STAT4: variants seen among roughly 807,000 people sequenced by gnomAD.
The protein encoded by STAT4 is signal transducer and activator of transcription 4.
In STAT4, 42 loss-of-function variants were observed where a neutral mutation model predicts 110.5. That is an observed-to-expected ratio of 0.38 (90% confidence interval 0.30 to 0.49). The LOEUF (loss-of-function observed/expected upper bound fraction) is 0.49, where lower values mean the gene tolerates loss of function less well. STAT4 is among the 20% of genes least tolerant of loss of function. The pLI is 0.95. For missense variants in STAT4, 632 were observed against 887.9 expected (o/e 0.71, Z 3.66); for synonymous variants, 284 against 302.2 (o/e 0.94, Z 0.63).
chr2:191,112,088 A>T lies in STAT4; in HGVS notation c.273+34525T>A, dbSNP rs1443494321. ...ATAATGGTTTCATGGGTATACACTT[A>T]TGTCAAAACTTGTCAGATTGTACAC... On this transcript the variant is annotated intron_variant, in intron 3 of 23. Coordinates refer to ENST00000392320, the MANE Select transcript of STAT4 (RefSeq NM_003151.4). This position sits in a 1 kb window ranked among gnomAD's most constrained non-coding sequence, Gnocchi z 4.3. Among the ~76,000 whole-genome samples, 3 of 152,206 alleles carry T rather than the reference A, an allele frequency of 2.0e-5. No individual in the cohort carries two copies. The highest frequency in any genetic ancestry group is 4.4e-5 in the Non-Finnish European group (3 of 68,052).
chr2:191,123,756 C>T (rs1190909166), intron 3 of STAT4, among the ~76,000 whole-genome samples: 2 of 152,204 alleles, frequency 1.3e-5, no homozygotes, highest in African/African-American at 4.8e-5. Flanking sequence ...TGTTCATCCT[C>T]ATGTTTGCTT....
intron 3 of STAT4, among the ~76,000 whole-genome samples, chr2:191,109,538 G>C (rs1294096899): frequency 6.6e-6 from 1 of 152,178 alleles, no homozygotes; most frequent in African/African-American, 2.4e-5. Context: ...CGGGAAAATT[G>C]AGGATTTGTG....
chr2:191,095,636 C>T (rs1482571507), intron 3 of STAT4, among the ~76,000 whole-genome samples: 2 of 152,164 alleles, frequency 1.3e-5, no homozygotes, highest in African/African-American at 2.4e-5. Flanking sequence ...AAATTTATAG[C>T]ACTAAATGCT....
intron 3 of STAT4, among the ~76,000 whole-genome samples, chr2:191,093,890 T>C (rs1320789655): frequency 6.6e-6 from 1 of 152,172 alleles, no homozygotes; most frequent in East Asian, 1.9e-4. Flanking sequence ...AGAGAAGACC[T>C]TAAATGATCC....
chr2:191,123,198 G>A (rs1206205777), intron 3 of STAT4, among the ~76,000 whole-genome samples: 1 of 152,162 alleles, frequency 6.6e-6, no homozygotes, highest in Non-Finnish European at 1.5e-5. Flanking sequence ...ACTGTGTTTT[G>A]TTTGAGGAAC....
At chr2:191,137,160 T>C (rs1158021920) in intron 3 of STAT4, among the ~76,000 whole-genome samples, 1 of 152,006 alleles carries the variant, frequency 6.6e-6, no homozygotes, top group Non-Finnish European at 1.5e-5. Flanking sequence ...CTGGCCAACG[T>C]GGTGAAACCC....
Position 191,039,112 on chromosome 2 carries a change from C to T in STAT4, c.1434+87G>A. 1 of 1,185,350 alleles carries T rather than the reference C, an allele frequency of 8.4e-7. No homozygotes were observed. Among genetic ancestry groups the T allele is most frequent in the Non-Finnish European group, 1.3e-6 (1 of 792,282 alleles). The allele number at this position is 1,185,350 out of a possible 1,614,324, so 73.4% of individuals were successfully genotyped here. ...CAACTCTCACCCCACACCCCACTGG[C>T]ACACACATGTTTTGATGCAGATGTG... On this transcript the variant is annotated intron_variant, in intron 16 of 23. Coordinates refer to ENST00000392320, the MANE Select transcript of STAT4 (RefSeq NM_003151.4). This position sits in a 1 kb window ranked among gnomAD's most constrained non-coding sequence, Gnocchi z 4.7.
Position 191,066,564 on chromosome 2 carries a change from T to A in STAT4, c.545-49A>T. 1 of 1,568,512 alleles carries A rather than the reference T, an allele frequency of 6.4e-7. No homozygotes were observed. Among genetic ancestry groups the A allele is most frequent in the Non-Finnish European group, 8.7e-7 (1 of 1,144,164 alleles). On this transcript the variant is annotated intron_variant, in intron 6 of 23. Coordinates refer to ENST00000392320, the MANE Select transcript of STAT4 (RefSeq NM_003151.4). The surrounding 1 kb of genome is among the most constrained non-coding windows in gnomAD (Gnocchi z 4.3). ...TTAGAGTTCTCTCTATTCCTGAAAG[T>A]CAAGTCAGCCTCAATCCACCATCCT...
At chr2:191,074,941 AC>A (rs1697269411) in intron 4 of STAT4, among the ~76,000 whole-genome samples, 1 of 152,148 alleles carries the variant, frequency 6.6e-6, no homozygotes, top group African/African-American at 2.4e-5. Flanking sequence ...TGGGAAGATC[AC>A]TTGAGGTCAG....
chr2:191,065,282 A>G (rs1007354858), intron 7 of STAT4, among the ~76,000 whole-genome samples: 1 of 152,140 alleles, frequency 6.6e-6, no homozygotes, highest in Admixed American at 6.5e-5. Context: ...AAGGATATTT[A>G]TATATGTAAT....
intron 8 of STAT4, among the ~76,000 whole-genome samples, chr2:191,064,153 A>G (rs1426399649): frequency 6.6e-6 from 1 of 152,238 alleles, no homozygotes; most frequent in East Asian, 1.9e-4. Context: ...AAAAATTGAC[A>G]CATAAAAATT....
rs766037631 is a variant in STAT4, at chr2:191,077,154, T to C, written c.274-829A>G. ...CATATACATCTTTTATTACCAAGGT[T>C]AATGATGCAGATACTGTAAATTGGC... On this transcript the variant is annotated intron_variant, in intron 3 of 23. Coordinates refer to ENST00000392320, the MANE Select transcript of STAT4 (RefSeq NM_003151.4). The surrounding 1 kb of genome is among the most constrained non-coding windows in gnomAD (Gnocchi z 4.1). 5.3e-5 allele frequency among the ~76,000 whole-genome samples: 8 copies of C among 152,204 alleles called. No individual in the cohort carries two copies. The highest frequency in any genetic ancestry group is 1.0e-4 in the Non-Finnish European group (7 of 68,040).
At chr2:191,048,125 T>C (rs1696402941) in intron 14 of STAT4, among the ~76,000 whole-genome samples, 1 of 152,244 alleles carries the variant, frequency 6.6e-6, no homozygotes, top group African/African-American at 2.4e-5. Flanking sequence ...ACACTCAGTG[T>C]TGTCCATTAC....
rs771795738 is a variant in STAT4, at chr2:191,058,670, C to T, written c.1094+40G>A. ...AGGCCATTCATTTTTAAAAGTCTTA[C>T]ATTTGGAATTGTAATTCAAAACGAA... On this transcript the variant is annotated intron_variant, in intron 11 of 23. Transcript: ENST00000392320. This position sits in a 1 kb window ranked among gnomAD's most constrained non-coding sequence, Gnocchi z 4.3. 4.8e-6 allele frequency: 6 copies of T among 1,243,338 alleles called. No individual in the cohort carries two copies. Among genetic ancestry groups the T allele is most frequent in the South Asian group, 1.4e-5 (1 of 74,006 alleles). 77.0% of individuals were successfully genotyped at this position (1,243,338 alleles called of 1,614,324 possible).
In STAT4 at chr2:191,082,099, G is replaced by A. The variant is rs1017452041; in HGVS notation, c.274-5774C>T. Among the ~76,000 whole-genome samples the A allele has an allele frequency of 2.0e-5, 3 of 152,144 alleles. No individual in the cohort carries two copies. Among genetic ancestry groups the A allele is most frequent in the African/African-American group, 7.2e-5 (3 of 41,432 alleles). ...GAATTTGGCAATTTCTCTTGCCACT[G>A]TTGCTTTGTGTATGACAGGCAATCT... On this transcript the variant is annotated intron_variant, in intron 3 of 23. Coordinates refer to ENST00000392320, the MANE Select transcript of STAT4 (RefSeq NM_003151.4). This position sits in a 1 kb window ranked among gnomAD's most constrained non-coding sequence, Gnocchi z 4.7.
chr2:191,106,373 A>C (rs1351043994), intron 3 of STAT4, among the ~76,000 whole-genome samples: 1 of 151,988 alleles, frequency 6.6e-6, no homozygotes, highest in Non-Finnish European at 1.5e-5. Context: ...AAAAAAAAAA[A>C]ATTAGGCTGG....
In STAT4 at chr2:191,033,706, T is replaced by C; in HGVS notation, c.1716-80A>G. 1.9e-6 allele frequency: 3 copies of C among 1,553,698 alleles called. No individual in the cohort carries two copies. Among genetic ancestry groups the C allele is most frequent in the Non-Finnish European group, 2.6e-6 (3 of 1,151,126 alleles). ...GCATTTACAAAGACCTACAGTTTGT[T>C]TTGAGTGTAATCAAAAGTCATTCTT... is the stretch of plus-strand genomic sequence containing the variant. On this transcript the variant is annotated intron_variant, in intron 19 of 23. Coordinates refer to ENST00000392320, the MANE Select transcript of STAT4 (RefSeq NM_003151.4). The surrounding 1 kb of genome is among the most constrained non-coding windows in gnomAD (Gnocchi z 6.9).
chr2:191,056,289 G>C (rs1171580970), intron 13 of STAT4, among the ~76,000 whole-genome samples: 2 of 152,152 alleles, frequency 1.3e-5, no homozygotes, highest in Non-Finnish European at 2.9e-5. Context: ...AAATAGTAGG[G>C]TCTTTGGGAA....
intron 14 of STAT4, among the ~76,000 whole-genome samples, chr2:191,045,100 C>T (rs947229218): frequency 3.3e-5 from 5 of 152,092 alleles, no homozygotes; most frequent in African/African-American, 1.2e-4. Flanking sequence ...CATAGCTTAA[C>T]CTTTTATAGA....
Sources: gnomAD v4.1 joint callset for allele counts (sites outside exome capture counted in the v4.1 genomes callset) on GRCh38, gnomAD v4.1.1 for gene constraint, Gnocchi (gnomAD v3.1) non-coding constraint, MANE v1.5 for transcripts, NCBI Gene and HGNC (gene_info 2026-07-23, HGNC 2026-07-21) for gene names.